RNF217: variants seen among roughly 807,000 people sequenced by gnomAD.
RNF217 encodes ring finger protein 217.
RNF217 carries 31 observed loss-of-function variants against 57.8 expected under a neutral mutation model. The observed-to-expected ratio is 0.54, with a 90% CI of 0.40 to 0.72. The LOEUF is 0.72. RNF217 is among the 30% of genes least tolerant of loss of function. The pLI is 0.00. For synonymous variants in RNF217, 313 were observed against 294.0 expected, an observed-to-expected ratio of 1.06 and a Z score of -0.66; for missense variants, 696 against 708.3, an observed-to-expected ratio of 0.98 and a Z score of 0.20.
chr6:125,010,316 T>G (rs1217535998), intron 1 of RNF217, among the ~76,000 whole-genome samples: 2 of 152,208 alleles, frequency 1.3e-5, no homozygotes, highest in Admixed American at 6.5e-5. Flanking sequence ...CATTTATTAG[T>G]GATCAAATAT....
rs1349789351 is a variant in RNF217 at position 125,086,247 on chromosome 6, A to C, written c.*3310A>C. On this transcript the variant is annotated 3_prime_UTR_variant, in exon 6 of 6. Coordinates refer to ENST00000521654, the MANE Select transcript of RNF217 (RefSeq NM_001286398.3). ...ATTTTTAAAGAAAATCGTCTTTTGA[A>C]GGGTAATTTCCTTTCTGCCTGATTA... 6.6e-6 allele frequency: 1 copy of C among 152,058 alleles called. No homozygotes were observed. Among genetic ancestry groups the C allele is most frequent in the Non-Finnish European group, 1.5e-5 (1 of 67,956 alleles). The allele number at this position is 152,058 out of a possible 1,614,324, so 9.4% of individuals were successfully genotyped here. A position where few individuals can be genotyped will look rare whatever the true frequency, so the allele number is the denominator to read the frequency against.
At chr6:124,992,132 A>G (rs1285687088) in intron 1 of RNF217, among the ~76,000 whole-genome samples, 1 of 152,210 alleles carries the variant, frequency 6.6e-6, no homozygotes, top group African/African-American at 2.4e-5. Context: ...CTACAAAGTA[A>G]TGCCAGTAAT....
At chr6:124,976,572 T>C (rs991193981) in intron 1 of RNF217, among the ~76,000 whole-genome samples, 3 of 146,304 alleles carry the variant, frequency 2.1e-5, no homozygotes, top group African/African-American at 7.7e-5. Flanking sequence ...TTGGCCTATT[T>C]ATTTATTTTT....
At chr6:124,989,117 T>C (rs923091620) in intron 1 of RNF217, among the ~76,000 whole-genome samples, 5 of 152,010 alleles carry the variant, frequency 3.3e-5, no homozygotes, top group African/African-American at 4.8e-5. Flanking sequence ...TCATTTTGCA[T>C]GTTTACATTT....
intron 4 of RNF217, among the ~76,000 whole-genome samples, chr6:125,079,116 T>C (rs1788479910): frequency 6.6e-6 from 1 of 152,124 alleles, no homozygotes; most frequent in African/African-American, 2.4e-5. Flanking sequence ...ATGGTCTTCA[T>C]TCCGTGTAAC....
intron 1 of RNF217, among the ~76,000 whole-genome samples, chr6:125,038,351 A>G (rs542944456): frequency 6.6e-6 from 1 of 152,284 alleles, no homozygotes; most frequent in Non-Finnish European, 1.5e-5. Context: ...TAAAAAATTG[A>G]CATTTTTGTA....
At chr6:124,971,290 G>T (rs1783748734) in intron 1 of RNF217, 1 of 154,758 alleles carries the variant, frequency 6.5e-6, no homozygotes, top group African/African-American at 2.4e-5. Flanking sequence ...TCCAATCCAA[G>T]AAGGAGAAGA....
intron 2 of RNF217, among the ~76,000 whole-genome samples, chr6:125,053,644 C>G (rs572110): frequency 6.6e-6 from 1 of 152,014 alleles, no homozygotes; most frequent in African/African-American, 2.4e-5. Context: ...TTTCCTTACT[C>G]GACTTGATGA....
rs7768909 is a variant in RNF217 at position 124,962,484 on chromosome 6, G to C, written c.-61G>C. ...CCGAGCCACTGCCCCCGCTGCCCGCGGGCGCCGGGTGGGGGTCCCGGCGGC... is the reference window on the plus strand; with the variant it reads ...CCGAGCCACTGCCCCCGCTGCCCGCCGGCGCCGGGTGGGGGTCCCGGCGGC... On this transcript the variant is annotated 5_prime_UTR_variant, in exon 1 of 6. Transcript: ENST00000521654. The surrounding 1 kb of genome is among the most constrained non-coding windows in gnomAD (Gnocchi z 4.6). 0.85 allele frequency: 694,149 copies of C among 821,132 alleles called. 293,847 individuals carry two copies. The highest frequency in any genetic ancestry group is 0.89 in the Admixed American group (17,465 of 19,630). The allele number at this position is 821,132 out of a possible 1,614,324, so 50.9% of individuals were successfully genotyped here.
chr6:124,989,525 A>G (rs994133542), intron 1 of RNF217, among the ~76,000 whole-genome samples: 2 of 152,200 alleles, frequency 1.3e-5, no homozygotes, highest in Non-Finnish European at 2.9e-5. Context: ...AATGTCACCT[A>G]TGATCTCCAT....
chr6:125,011,090 AG>A (rs1041727779), intron 1 of RNF217, among the ~76,000 whole-genome samples: 5 of 152,168 alleles, frequency 3.3e-5, no homozygotes, highest in Admixed American at 3.3e-4. Context: ...TAGGGTACCA[AG>A]AATGTTAAGA....
At chr6:125,047,018 T>C (rs1483108604) in intron 2 of RNF217, among the ~76,000 whole-genome samples, 1 of 152,096 alleles carries the variant, frequency 6.6e-6, no homozygotes, top group Non-Finnish European at 1.5e-5. Flanking sequence ...TAGAATACTT[T>C]TATTTCATGC....
chr6:125,075,413 C>T (rs766036814), intron 3 of RNF217, among the ~76,000 whole-genome samples: 9 of 152,076 alleles, frequency 5.9e-5, no homozygotes, highest in Admixed American at 1.3e-4. Context: ...TTCCGCATGC[C>T]TGGGGAGGCC....
intron 2 of RNF217, among the ~76,000 whole-genome samples, chr6:125,048,410 G>GA (rs961574480): frequency 7.0e-4 from 105 of 150,424 alleles, no homozygotes; most frequent in African/African-American, 2.1e-3. Context: ...AACAGAAATA[G>GA]AAAAAAAAAG....
At chr6:124,963,546 C>A (rs1356319955) in intron 1 of RNF217, 120 bp downstream of exon 1, 4 of 1,183,934 alleles carry the variant, frequency 3.4e-6, no homozygotes, top group Admixed American at 3.3e-5. Flanking sequence ...CTGAGGATCT[C>A]TGTTAGTTTC....
At chr6:125,029,264 G>C (rs1440900119) in intron 1 of RNF217, among the ~76,000 whole-genome samples, 2 of 151,844 alleles carry the variant, frequency 1.3e-5, no homozygotes, top group African/African-American at 4.8e-5. Context: ...CTATTTTGAA[G>C]GTATTAAACA....
At chr6:125,031,921 G>A (rs1013135590) in intron 1 of RNF217, among the ~76,000 whole-genome samples, 3 of 152,146 alleles carry the variant, frequency 2.0e-5, no homozygotes, top group African/African-American at 7.2e-5. Context: ...AAGAAAAAGA[G>A]GTTTAATTGG....
chr6:125,068,678 TTAAAGGCAGGA>T, intron 3 of RNF217, among the ~76,000 whole-genome samples: 1 of 152,202 alleles, frequency 6.6e-6, no homozygotes, highest in Non-Finnish European at 1.5e-5. Flanking sequence ...TATAAGCTCT[TTAAAGGCAGGA>T]GCCCTGTCAG....
At chr6:125,058,958 A>G (rs1220098796) in intron 3 of RNF217, among the ~76,000 whole-genome samples, 1 of 152,224 alleles carries the variant, frequency 6.6e-6, no homozygotes, top group Non-Finnish European at 1.5e-5. Flanking sequence ...ACAATTCTGC[A>G]ATTACTTCTT....
Sources: allele counts gnomAD v4.1 joint callset (sites outside exome capture counted in the v4.1 genomes callset), GRCh38; gene constraint gnomAD v4.1.1; non-coding constraint Gnocchi (gnomAD v3.1); transcripts MANE v1.5; gene names NCBI Gene and HGNC (gene_info 2026-07-23, HGNC 2026-07-21).